The following NFKB1 variants were observed in gnomAD, a reference collection of about 807,000 sequenced individuals.
NFKB1 encodes the protein nuclear factor NF-kappa-B p105 subunit.
A neutral mutation model predicts 105.1 loss-of-function variants in NFKB1; 9 were observed. The observed-to-expected ratio is 0.09, with a 90% CI of 0.05 to 0.15. The LOEUF (loss-of-function observed/expected upper bound fraction) is 0.15. NFKB1 is among the 10% of genes least tolerant of loss of function. The pLI, the probability that NFKB1 is intolerant of heterozygous loss-of-function variation, is 1.00. For missense variants in NFKB1, 830 were observed against 1,203.7 expected, an observed-to-expected ratio of 0.69 and a Z score of 4.59; for synonymous variants, 440 against 442.2, an observed-to-expected ratio of 1.00 and a Z score of 0.06.
At chr4:102,595,132 G>T (rs1726501061) in intron 13 of NFKB1, 151 bp downstream of exon 13, 1 of 532,964 alleles carries the variant, frequency 1.9e-6, no homozygotes, top group South Asian at 3.0e-5. Flanking sequence ...TTTCCCAAAA[G>T]ATATTATTTC....
chr4:102,577,394 G>A lies in NFKB1; in HGVS notation c.571+355G>A, dbSNP rs139926304. Among the ~76,000 whole-genome samples the A allele has an allele frequency of 8.0e-4, 121 of 152,044 alleles. 1 individual carries two copies. The highest frequency in any genetic ancestry group is 3.4e-3 in the Middle Eastern group (1 of 294). On this transcript the variant is annotated intron_variant, in intron 7 of 23. Coordinates refer to ENST00000226574, the MANE Select transcript of NFKB1 (RefSeq NM_003998.4). ...CCCACCGTTTCCATTTCACCCTCTC[G>A]AAAACCAATGCAGAAATCAAGACTT...
chr4:102,577,898 T>C (rs1724994757), intron 7 of NFKB1: 2 of 985,264 alleles, frequency 2.0e-6, no homozygotes, highest in East Asian at 2.3e-4. Context: ...TTACATCTTG[T>C]AGCCAGATAG....
At chr4:102,590,562 G>C (rs528026970) in intron 11 of NFKB1, among the ~76,000 whole-genome samples, 1 of 144,210 alleles carries the variant, frequency 6.9e-6, no homozygotes, top group South Asian at 2.2e-4. Flanking sequence ...CCATTATGGT[G>C]ATCTGTGAAC....
At chr4:102,514,778 G>A (rs1031498994) in intron 1 of NFKB1, among the ~76,000 whole-genome samples, 9 of 152,076 alleles carry the variant, frequency 5.9e-5, no homozygotes, top group Non-Finnish European at 1.0e-4. Context: ...TAATAGGTGC[G>A]TACACAATAA....
At chr4:102,539,236 C>CAAAAAAAAAAAAAAAAAAAA (rs550342036) in intron 5 of NFKB1, among the ~76,000 whole-genome samples, 19 of 95,628 alleles carry the variant, frequency 2.0e-4, no homozygotes, top group African/African-American at 7.2e-4. Context: ...GACTCTGTCT[C>CAAAAAAAAAAAAAAAAAAAA]AAAAAAAAAA....
intron 11 of NFKB1, among the ~76,000 whole-genome samples, chr4:102,587,848 A>G (rs771748341): frequency 5.9e-5 from 9 of 152,182 alleles, no homozygotes; most frequent in Admixed American, 1.3e-4. Flanking sequence ...TGACCAGGCA[A>G]TATAACTGGT....
chr4:102,532,605 G>A (rs1301165151), intron 3 of NFKB1, among the ~76,000 whole-genome samples: 1 of 152,064 alleles, frequency 6.6e-6, no homozygotes, highest in East Asian at 1.9e-4. Context: ...TCCAGCCTGG[G>A]TGACAGAGTG....
intron 11 of NFKB1, among the ~76,000 whole-genome samples, chr4:102,589,661 G>A (rs1022742394): frequency 3.9e-5 from 6 of 151,912 alleles, no homozygotes; most frequent in Admixed American, 6.6e-5. Flanking sequence ...AGAAATAATC[G>A]AAGTTCTTTC....
chr4:102,612,746 C>T lies in NFKB1; in HGVS notation c.2592+140C>T, dbSNP rs1578837805. On this transcript the variant is annotated intron_variant, in intron 22 of 23. Coordinates refer to ENST00000226574, the MANE Select transcript of NFKB1 (RefSeq NM_003998.4). ...ATTGCCCAAGGCCTGGGAGGGTGAC[C>T]CAGGCCAAGTTGGCAGCCCATCTTC... 31 of 750,210 alleles carry T rather than the reference C, an allele frequency of 4.1e-5. No homozygotes were observed. The East Asian group carries it at 8.4e-4, about 20-fold the overall frequency. The allele number at this position is 750,210 out of a possible 1,614,324, so 46.5% of individuals were successfully genotyped here. A position where few individuals can be genotyped will look rare whatever the true frequency, so the allele number is the denominator to read the frequency against.
chr4:102,522,173 T>C (rs2149109596), intron 1 of NFKB1, among the ~76,000 whole-genome samples: 1 of 152,340 alleles, frequency 6.6e-6, no homozygotes, highest in East Asian at 1.9e-4. Context: ...AGTTGGTATT[T>C]CAACATTTTA....
intron 1 of NFKB1, among the ~76,000 whole-genome samples, chr4:102,523,932 A>G (rs1472027620): frequency 3.3e-5 from 5 of 152,116 alleles, no homozygotes; most frequent in African/African-American, 9.7e-5. Context: ...TCCAGCTACA[A>G]TACTAATTCT....
At chr4:102,537,001 A>G (rs4647998) in intron 4 of NFKB1, among the ~76,000 whole-genome samples, 2,120 of 152,302 alleles carry the variant, frequency 0.014, 27 homozygotes, top group Non-Finnish European at 0.023. Context: ...TATTCTTTGT[A>G]TACAAATATG....
At chr4:102,539,853 C>A (rs919196209) in intron 5 of NFKB1, among the ~76,000 whole-genome samples, 2 of 151,926 alleles carry the variant, frequency 1.3e-5, no homozygotes, top group African/African-American at 4.8e-5. Flanking sequence ...GTACTGGGGG[C>A]AGGGAGATAA....
rs1402710269 is a variant in NFKB1, at chr4:102,515,104, ATTAT to A, written c.-7-10405_-7-10402del. Among the ~76,000 whole-genome samples, 13 of 113,490 alleles carry A rather than the reference ATTAT, an allele frequency of 1.1e-4. No homozygotes were observed. In the South Asian group the frequency reaches 2.7e-3, roughly 23 times the overall value. The allele number at this position is 113,490 out of a possible 152,430, so 74.5% of individuals were successfully genotyped here. ...AGTTCCATGTAATATTATTATTATT[ATTAT>A]TTTTTTTTTTTTTTTTTTTTGAGAC... On this transcript the variant is annotated intron_variant, in intron 1 of 23. Transcript: ENST00000226574.
intron 23 of NFKB1, among the ~76,000 whole-genome samples, chr4:102,614,049 C>T (rs1728698420): frequency 6.6e-6 from 1 of 152,154 alleles, no homozygotes; most frequent in Non-Finnish European, 1.5e-5. Context: ...ATATTTCCTA[C>T]AATTTTATTC....
Position 102,597,519 on chromosome 4 carries a change from G to T in NFKB1, c.1496-1G>T. On this transcript the variant is annotated splice_acceptor_variant, in intron 14 of 23. Transcript: ENST00000226574. LOFTEE classifies it high-confidence loss of function. ...CTATGATTGTGGTCATTGCCTTACA[G>T]ATAACCTCTTTCTAGAGAAGGCTAT... The T allele has an allele frequency of 6.2e-7, 1 of 1,609,854 alleles. No homozygotes were observed.
chr4:102,593,354 T>G (rs755867389), intron 11 of NFKB1, 71 bp from the exon 12 acceptor site: 159 of 1,324,784 alleles, frequency 1.2e-4, no homozygotes, highest in Admixed American at 7.9e-4. Context: ...TTAGAATCAG[T>G]GGTCTTTCTG....
intron 19 of NFKB1, among the ~76,000 whole-genome samples, chr4:102,609,251 A>C (rs1181476570): frequency 1.3e-5 from 2 of 152,108 alleles, no homozygotes; most frequent in African/African-American, 2.4e-5. Context: ...AGCAAGTAAC[A>C]GTTTCTCTGA....
intron 1 of NFKB1, among the ~76,000 whole-genome samples, chr4:102,502,335 C>G (rs1051764694): frequency 6.6e-6 from 1 of 151,202 alleles, no homozygotes; most frequent in South Asian, 2.1e-4. Context: ...AAACCTGGCT[C>G]GCTCTCTGTC....
Sources: allele counts gnomAD v4.1 joint callset (sites outside exome capture counted in the v4.1 genomes callset), GRCh38; gene constraint gnomAD v4.1.1; transcripts MANE v1.5; gene names NCBI Gene and HGNC (gene_info 2026-07-23, HGNC 2026-07-21).